The following ADGRL3 variants were observed in gnomAD, a reference collection of about 807,000 sequenced individuals.
ADGRL3 encodes the protein calcium-independent alpha-latrotoxin receptor 3.
In ADGRL3, 62 loss-of-function variants were observed where a neutral mutation model predicts 153.5. The ratio of observed to expected loss-of-function variants is 0.40; its 90% CI spans 0.33 to 0.50. ADGRL3 has a LOEUF of 0.50. Ranked by LOEUF, ADGRL3 falls within the 20% of genes least tolerant of loss-of-function variation. ADGRL3 has a pLI of 0.47. For synonymous variants in ADGRL3, 710 were observed against 672.5 expected, an observed-to-expected ratio of 1.06 and a Z score of -0.86; for missense variants, 1,641 against 1,859.4, an observed-to-expected ratio of 0.88 and a Z score of 2.16.
At chr4:61,206,175 A>G (rs554994491) in intron 1 of ADGRL3, among the ~76,000 whole-genome samples, 17 of 152,342 alleles carry the variant, frequency 1.1e-4, no homozygotes, top group Middle Eastern at 3.4e-3. Flanking sequence ...TAAAACAGGA[A>G]CTTAGTTTCA....
chr4:61,343,267 A>T (rs1288430497), intron 1 of ADGRL3, among the ~76,000 whole-genome samples: 2 of 152,136 alleles, frequency 1.3e-5, no homozygotes, highest in African/African-American at 4.8e-5. Flanking sequence ...ATCAGCGCTA[A>T]CTTTCTGCCA....
chr4:61,462,781 GA>G (rs1291100347), intron 2 of ADGRL3, among the ~76,000 whole-genome samples: 5 of 152,128 alleles, frequency 3.3e-5, no homozygotes, highest in African/African-American at 1.2e-4. Context: ...TGTTACTCAG[GA>G]TAAGCAGCTA....
At chr4:61,286,675 CG>C (rs1560427322) in intron 1 of ADGRL3, among the ~76,000 whole-genome samples, 1 of 151,046 alleles carries the variant, frequency 6.6e-6, no homozygotes, top group African/African-American at 2.4e-5. Flanking sequence ...TTTTATATAT[CG>C]AGATAAACCT....
At chr4:61,674,837 A>T (rs989940469) in intron 5 of ADGRL3, among the ~76,000 whole-genome samples, 2 of 151,958 alleles carry the variant, frequency 1.3e-5, no homozygotes, top group African/African-American at 2.4e-5. Flanking sequence ...TGTAATACGA[A>T]AGATCTACTA....
At chr4:61,580,314 T>A (rs758180540) in intron 4 of ADGRL3, among the ~76,000 whole-genome samples, 72 of 152,022 alleles carry the variant, frequency 4.7e-4, no homozygotes, top group Non-Finnish European at 8.2e-4. Context: ...GGGCAAAAAA[T>A]CGTTTTTAGC....
chr4:61,807,556 G>A (rs939016998), intron 8 of ADGRL3, among the ~76,000 whole-genome samples: 3 of 152,004 alleles, frequency 2.0e-5, no homozygotes, highest in Admixed American at 6.6e-5. Flanking sequence ...CATTTCTCAC[G>A]CCAATGTAGT....
intron 2 of ADGRL3, among the ~76,000 whole-genome samples, chr4:61,448,826 A>AAGGGAGGGAGGGAAGGAAGG (rs2097630624): frequency 1.8e-5 from 1 of 54,442 alleles, no homozygotes. Context: ...GAAGGAAGGA[A>AAGGGAGGGAGGGAAGGAAGG]GAAGGGAGGG....
chr4:61,782,028 G>A (rs1017317208), intron 8 of ADGRL3, among the ~76,000 whole-genome samples: 6 of 152,102 alleles, frequency 3.9e-5, no homozygotes, highest in African/African-American at 1.4e-4. Flanking sequence ...AATGTGTAAT[G>A]GAATTGATCT....
chr4:61,367,897 CTGT>C (rs1409507806), intron 1 of ADGRL3, among the ~76,000 whole-genome samples: 1 of 147,112 alleles, frequency 6.8e-6, no homozygotes, highest in Non-Finnish European at 1.5e-5. Context: ...TCTCCAGCAC[CTGT>C]TGTTTCCTGA....
intron 1 of ADGRL3, among the ~76,000 whole-genome samples, chr4:61,300,792 G>T (rs1181847420): frequency 7.1e-6 from 1 of 141,634 alleles, no homozygotes; most frequent in Non-Finnish European, 1.5e-5. Context: ...TTGAGACAGA[G>T]TCTCGCTCTG....
intron 4 of ADGRL3, among the ~76,000 whole-genome samples, chr4:61,530,114 A>G (rs1159079075): frequency 6.6e-6 from 1 of 152,148 alleles, no homozygotes; most frequent in African/African-American, 2.4e-5. Context: ...GATTTTGAAA[A>G]TAATGGGTAT....
chr4:61,947,816 G>A (rs1215511405), intron 16 of ADGRL3, among the ~76,000 whole-genome samples: 2 of 152,204 alleles, frequency 1.3e-5, no homozygotes, highest in Non-Finnish European at 2.9e-5. Flanking sequence ...TCTTTATTTT[G>A]CAATGTGTAT....
intron 21 of ADGRL3, among the ~76,000 whole-genome samples, chr4:62,005,997 C>T (rs1483883772): frequency 8.0e-4 from 71 of 88,500 alleles, no homozygotes; most frequent in African/African-American, 2.7e-3. Flanking sequence ...CACACACACA[C>T]ACACACATAT....
intron 1 of ADGRL3, among the ~76,000 whole-genome samples, chr4:61,272,069 T>A (rs2093214738): frequency 6.6e-6 from 1 of 152,006 alleles, no homozygotes; most frequent in Admixed American, 6.6e-5. Flanking sequence ...TCACAGTCAG[T>A]TCCATGTAAT....
intron 8 of ADGRL3, 82 bp from the exon 9 acceptor site, chr4:61,813,727 T>G: frequency 6.6e-7 from 1 of 1,504,964 alleles, no homozygotes; most frequent in Non-Finnish European, 9.1e-7. Flanking sequence ...TGGAGTGAAA[T>G]AGTGTTATAT....
chr4:61,571,970 G>T, intron 4 of ADGRL3, among the ~76,000 whole-genome samples: 1 of 152,148 alleles, frequency 6.6e-6, no homozygotes, highest in East Asian at 1.9e-4. Flanking sequence ...GCTGTTTGTT[G>T]AATGAATGGT....
Position 62,037,763 on chromosome 4 carries a change from A to G in ADGRL3, c.3624A>G (p.Thr1208=), listed in dbSNP as rs764204552. The G allele has an allele frequency of 1.2e-6, 2 of 1,613,860 alleles. No homozygotes were observed. The highest frequency in any genetic ancestry group is 1.3e-5 in the African/African-American group (1 of 75,054). Residue 1208 remains threonine (T), a synonymous_variant, in exon 24 of 27, where the codon ACA becomes ACG. Transcript: ENST00000683033. The part of the protein sequence containing the change: ...VRKEYGKCLR[T]HCCSGKSTES... ...AAGAGTATGGGAAATGCCTGCGAAC[A>G]CATTGCTGTAGTGGCAAAAGTACAG...
At chr4:61,761,766 C>T (rs57393120) in intron 8 of ADGRL3, among the ~76,000 whole-genome samples, 13,265 of 152,026 alleles carry the variant, frequency 0.087, 1,233 homozygotes, top group African/African-American at 0.24. Context: ...CCCATCTCTA[C>T]AAAAACAAAT....
intron 1 of ADGRL3, among the ~76,000 whole-genome samples, chr4:61,370,714 G>T (rs989465381): frequency 7.9e-5 from 12 of 151,456 alleles, no homozygotes; most frequent in Non-Finnish European, 1.3e-4. Flanking sequence ...CTGTTGATTT[G>T]GGGTGGAGAG....
Sources: allele counts gnomAD v4.1 joint callset (sites outside exome capture counted in the v4.1 genomes callset), GRCh38; gene constraint gnomAD v4.1.1; transcripts MANE v1.5; gene names NCBI Gene and HGNC (gene_info 2026-07-23, HGNC 2026-07-21).